OXR1: variants seen among roughly 807,000 people sequenced by gnomAD.
The protein encoded by OXR1 is oxidation resistance 1.
OXR1 carries 41 observed loss-of-function variants against 104.6 expected under a neutral mutation model. The observed-to-expected ratio is 0.39, with a 90% CI of 0.31 to 0.51. The LOEUF is 0.51. Among genes scored for constraint, OXR1 ranks in the 20% least tolerant of loss-of-function variants. OXR1 has a pLI of 0.77. For missense variants in OXR1, 955 were observed against 1,031.9 expected (o/e 0.93, Z 1.02); for synonymous variants, 348 against 348.4 (o/e 1.00, Z 0.01).
intron 2 of OXR1, among the ~76,000 whole-genome samples, chr8:106,403,052 C>A (rs561869461): frequency 6.6e-6 from 1 of 152,288 alleles, no homozygotes; most frequent in South Asian, 2.1e-4. Flanking sequence ...GATCTCCTGA[C>A]CTTGTGATCC....
chr8:106,447,181 G>A (rs1341354775), intron 2 of OXR1, among the ~76,000 whole-genome samples: 1 of 152,108 alleles, frequency 6.6e-6, no homozygotes, highest in African/African-American at 2.4e-5. Context: ...GTTACTTTGA[G>A]GGCATCTCAA....
intron 11 of OXR1, among the ~76,000 whole-genome samples, chr8:106,715,174 A>C (rs1832110914): frequency 6.6e-6 from 1 of 152,024 alleles, no homozygotes; most frequent in South Asian, 2.1e-4. Context: ...TGAATTTTAC[A>C]AATAATATGT....
intron 2 of OXR1, among the ~76,000 whole-genome samples, chr8:106,390,944 T>A (rs1817565501): frequency 6.6e-6 from 1 of 152,142 alleles, no homozygotes; most frequent in African/African-American, 2.4e-5. Context: ...ACCAACCCTG[T>A]GCCTGTAGGA....
At chr8:106,493,858 A>G (rs1811255300) in intron 2 of OXR1, among the ~76,000 whole-genome samples, 1 of 152,012 alleles carries the variant, frequency 6.6e-6, no homozygotes, top group African/African-American at 2.4e-5. Context: ...AAGCAGTGTA[A>G]GCTAAAGGTA....
At chr8:106,733,384 T>G (rs974897777) in intron 11 of OXR1, among the ~76,000 whole-genome samples, 5 of 152,366 alleles carry the variant, frequency 3.3e-5, no homozygotes, top group African/African-American at 1.2e-4. Context: ...GGTAGAGGTT[T>G]ATCAATTTTA....
At chr8:106,680,280 T>G (rs1828020780) in intron 4 of OXR1, among the ~76,000 whole-genome samples, 1 of 152,158 alleles carries the variant, frequency 6.6e-6, no homozygotes, top group Admixed American at 6.5e-5. Flanking sequence ...CTTCTCTGCA[T>G]AATTGAGAAA....
In OXR1 at chr8:106,706,558, C is replaced by T; in HGVS notation, c.1037C>T (p.Pro346Leu). 6.2e-7 allele frequency: 1 copy of T among 1,610,992 alleles called. No individual in the cohort carries two copies. The highest frequency in any genetic ancestry group is 8.5e-7 in the Non-Finnish European group (1 of 1,179,264). Residue 346 changes from proline to leucine, a missense_variant, in exon 9 of 17, where the codon CCT becomes CTT. By Grantham distance (98) the Pro-to-Leu change is moderately conservative (BLOSUM62 -3). Transcript: ENST00000517566. ...EDVFTESELSPIREELVSSDE... is the reference protein window; with the variant it reads ...EDVFTESELSLIREELVSSDE... The stretch of plus-strand genomic sequence containing the variant: ...GTGTTCACAGAATCAGAACTTTCCC[C>T]TATACGAGAGGAGCTTGTATCTTCA...
At chr8:106,692,464 T>A (rs560074404) in intron 6 of OXR1, among the ~76,000 whole-genome samples, 1 of 152,220 alleles carries the variant, frequency 6.6e-6, no homozygotes, top group East Asian at 1.9e-4. Flanking sequence ...TTTTATTTTT[T>A]AAATTTATAG....
chr8:106,726,535 A>G (rs1169066986), intron 11 of OXR1, among the ~76,000 whole-genome samples: 1 of 152,176 alleles, frequency 6.6e-6, no homozygotes, highest in Non-Finnish European at 1.5e-5. Context: ...AGTGTTTTGT[A>G]TGTTCTACAC....
intron 3 of OXR1, among the ~76,000 whole-genome samples, chr8:106,662,432 A>G (rs190303522): frequency 1.5e-4 from 23 of 152,364 alleles, no homozygotes; most frequent in African/African-American, 5.3e-4. Flanking sequence ...TACTGAATGT[A>G]TGTAACTGAA....
chr8:106,466,495 A>T (rs1394968527), intron 2 of OXR1, among the ~76,000 whole-genome samples: 1 of 151,904 alleles, frequency 6.6e-6, no homozygotes, highest in Non-Finnish European at 1.5e-5. Flanking sequence ...TAGAAATCAC[A>T]TGGTTATCTT....
chr8:106,736,171 C>CCT (rs1183540967), intron 11 of OXR1, among the ~76,000 whole-genome samples: 1 of 151,132 alleles, frequency 6.6e-6, no homozygotes, highest in Non-Finnish European at 1.5e-5. Context: ...TGACACCCCC[C>CCT]CCCATCCGCC....
intron 1 of OXR1, among the ~76,000 whole-genome samples, chr8:106,307,369 G>A (rs916792011): frequency 8.6e-5 from 13 of 152,044 alleles, no homozygotes; most frequent in African/African-American, 2.4e-5. Context: ...ATGGTCTGGC[G>A]TCCCCTTGCC....
intron 11 of OXR1, among the ~76,000 whole-genome samples, chr8:106,724,823 A>G (rs1833171367): frequency 6.6e-6 from 1 of 152,172 alleles, no homozygotes; most frequent in African/African-American, 2.4e-5. Flanking sequence ...TGAATAGGCA[A>G]CCAACAGAAT....
At chr8:106,315,395 T>A (rs1423888677) in intron 1 of OXR1, among the ~76,000 whole-genome samples, 1 of 152,182 alleles carries the variant, frequency 6.6e-6, no homozygotes, top group Non-Finnish European at 1.5e-5. Context: ...ACTCATTTAA[T>A]ATATATGTTA....
At chr8:106,329,744 G>T (rs1814633316) in intron 1 of OXR1, among the ~76,000 whole-genome samples, 1 of 152,140 alleles carries the variant, frequency 6.6e-6, no homozygotes, top group African/African-American at 2.4e-5. Context: ...GCAGTCACAT[G>T]ACAGTCTCAC....
intron 1 of OXR1, among the ~76,000 whole-genome samples, chr8:106,359,047 TTTTC>T (rs76498142): frequency 0.084 from 11,880 of 140,990 alleles, 560 homozygotes; most frequent in Middle Eastern, 0.14. Context: ...CATGGAATTC[TTTTC>T]TTTCTTTCTT....
intron 6 of OXR1, among the ~76,000 whole-genome samples, chr8:106,688,937 G>T (rs896918436): frequency 6.6e-6 from 1 of 152,084 alleles, no homozygotes; most frequent in Admixed American, 6.6e-5. Flanking sequence ...CAATTTATAG[G>T]AACTAGGAAG....
intron 1 of OXR1, among the ~76,000 whole-genome samples, chr8:106,289,916 C>T (rs1812678317): frequency 6.6e-6 from 1 of 152,106 alleles, no homozygotes; most frequent in African/African-American, 2.4e-5. Flanking sequence ...AAGGGACTTT[C>T]CCCTTTGACT....
Sources: allele counts gnomAD v4.1 joint callset (sites outside exome capture counted in the v4.1 genomes callset), GRCh38; gene constraint gnomAD v4.1.1; transcripts MANE v1.5; gene names NCBI Gene and HGNC (gene_info 2026-07-23, HGNC 2026-07-21).